COL22A1: variants seen among roughly 807,000 people sequenced by gnomAD.
COL22A1 encodes collagen type XXII alpha 1 chain.
A neutral mutation model predicts 248.9 loss-of-function variants in COL22A1; 221 were observed. That is an observed-to-expected ratio of 0.89 (90% CI 0.80 to 0.99). The LOEUF (loss-of-function observed/expected upper bound fraction) is 0.99. Among genes scored for constraint, COL22A1 ranks in the 50% least tolerant of loss-of-function variants. The pLI is 0.00. For synonymous variants in COL22A1, 891 were observed against 793.4 expected (o/e 1.12, Z -2.07); for missense variants, 2,240 against 2,179.0 (o/e 1.03, Z -0.56).
At chr8:138,638,567 G>T (rs1437214714) in intron 47 of COL22A1, among the ~76,000 whole-genome samples, 2 of 152,048 alleles carry the variant, frequency 1.3e-5, no homozygotes, top group Non-Finnish European at 2.9e-5. Flanking sequence ...CTCTCTCTCT[G>T]TGATATATTG....
At chr8:138,685,396 T>A in intron 37 of COL22A1, 84 bp from the exon 38 acceptor site, 1 of 1,119,670 alleles carries the variant, frequency 8.9e-7, no homozygotes, top group Non-Finnish European at 1.3e-6. Context: ...AGTAGGTTTG[T>A]AGGTTTCCTG....
In COL22A1 at chr8:138,694,549, G is replaced by A. The variant is rs556097028; in HGVS notation, c.2659C>T (p.Arg887Cys). ...GLPGEPGLQGRPGELGPQGPT... is the reference protein window; with the variant it reads ...GLPGEPGLQGCPGELGPQGPT... ...CCCTGAGGCCCCAATTCTCCAGGAC[G>A]GCCCTGCAGTCCCTGTAAGCACACA... Residue 887 changes from arginine (R) to cysteine (C), a missense_variant, in exon 34 of 65, where the codon CGT (arginine) becomes TGT (cysteine). Coordinates refer to ENST00000303045, the MANE Select transcript of COL22A1 (RefSeq NM_152888.3). The A allele has an allele frequency of 1.4e-5, 23 of 1,614,064 alleles. No individual in the cohort carries two copies. The highest frequency in any genetic ancestry group is 5.5e-5 in the South Asian group (5 of 91,080).
chr8:138,617,583 C>A (rs1387931756), intron 53 of COL22A1, among the ~76,000 whole-genome samples: 1 of 152,202 alleles, frequency 6.6e-6, no homozygotes, highest in Admixed American at 6.5e-5. Context: ...TCATTTCTAA[C>A]CTCCAGGCCA....
chr8:138,857,392 G>T (rs927092492), intron 3 of COL22A1, among the ~76,000 whole-genome samples: 21 of 152,200 alleles, frequency 1.4e-4, no homozygotes, highest in Admixed American at 1.4e-3. Context: ...ACCCTTCCAT[G>T]CCCTGGCCAA....
chr8:138,803,589 A>G (rs1176543327), intron 10 of COL22A1, among the ~76,000 whole-genome samples: 2 of 152,060 alleles, frequency 1.3e-5, no homozygotes, highest in African/African-American at 4.8e-5. Flanking sequence ...TGGGCATTCA[A>G]TTTGTATAAC....
chr8:138,598,868 G>A lies in COL22A1; in HGVS notation c.4216C>T (p.Pro1406Ser), dbSNP rs1333827802. ...GDPGIKGDKG[P>S]PGGKGQPGDP... The stretch of plus-strand genomic sequence containing the variant: ...CCAGGCTGGCCTTTTCCACCAGGAG[G>A]TCCTTTGTCACCTTTGATCCCAGGA... Residue 1406 changes from proline (P) to serine (S), a missense_variant, in exon 61 of 65, where the codon CCT becomes TCT. By Grantham distance (74) the Pro-to-Ser change is moderately conservative. Coordinates refer to ENST00000303045, the MANE Select transcript of COL22A1 (RefSeq NM_152888.3). 1.2e-6 allele frequency: 2 copies of A among 1,614,048 alleles called. No homozygotes were observed. The highest frequency in any genetic ancestry group is 1.7e-6 in the Non-Finnish European group (2 of 1,180,038).
chr8:138,875,784 C>G (rs769534932), intron 3 of COL22A1, among the ~76,000 whole-genome samples: 1 of 152,100 alleles, frequency 6.6e-6, no homozygotes, highest in Non-Finnish European at 1.5e-5. Context: ...ATTCTGTGTG[C>G]GCTTATCTAT....
chr8:138,616,569 T>C (rs1165116493), intron 54 of COL22A1, among the ~76,000 whole-genome samples: 2 of 152,308 alleles, frequency 1.3e-5, no homozygotes, highest in East Asian at 1.9e-4. Context: ...AAATCACCCA[T>C]GTCCTCTGGG....
At chr8:138,615,660 C>A (rs1183844184) in intron 55 of COL22A1, among the ~76,000 whole-genome samples, 1 of 151,832 alleles carries the variant, frequency 6.6e-6, no homozygotes, top group African/African-American at 2.4e-5. Context: ...TGTGTGGTTT[C>A]TTTGAGCACT....
rs1227955647 is a variant in COL22A1 at position 138,796,829 on chromosome 8, T to C, written c.1586A>G (p.Lys529Arg). 1.9e-6 allele frequency: 3 copies of C among 1,593,006 alleles called. No individual in the cohort carries two copies. The highest frequency in any genetic ancestry group is 1.1e-5 in the South Asian group (1 of 90,512). The stretch of plus-strand genomic sequence containing the variant: ...AAGGAAGATGCTTACCTTTTCACCC[T>C]TTTCCCCTTGGCCAAAAGGTCCTAT... ...VGIGPFGQGE[K>R]GEKGSLGLPG... Residue 529 changes from lysine (K) to arginine (R), a missense_variant, in exon 12 of 65, where the codon AAG (lysine) becomes AGG (arginine). By Grantham distance (26) the Lys-to-Arg change is conservative. Transcript: ENST00000303045.
intron 22 of COL22A1, among the ~76,000 whole-genome samples, chr8:138,748,024 G>A (rs1563706161): frequency 6.6e-6 from 1 of 152,090 alleles, no homozygotes; most frequent in Non-Finnish European, 1.5e-5. Context: ...GAAGCTGAGG[G>A]GCACAAGCAA....
At chr8:138,622,173 A>G (rs1819862690) in intron 52 of COL22A1, among the ~76,000 whole-genome samples, 1 of 152,234 alleles carries the variant, frequency 6.6e-6, no homozygotes, top group Non-Finnish European at 1.5e-5. Flanking sequence ...TAGCCTCACC[A>G]GGAGCTACAA....
intron 30 of COL22A1, among the ~76,000 whole-genome samples, chr8:138,705,706 G>C (rs1275544380): frequency 6.6e-6 from 1 of 152,186 alleles, no homozygotes; most frequent in African/African-American, 2.4e-5. Context: ...ACCCATGCTA[G>C]GAAGAAACTG....
At chr8:138,591,753 C>T (rs868039296) in intron 63 of COL22A1, among the ~76,000 whole-genome samples, 11 of 152,204 alleles carry the variant, frequency 7.2e-5, no homozygotes, top group Non-Finnish European at 1.5e-4. Context: ...CAAACACTCC[C>T]TCCTAAACAC....
intron 23 of COL22A1, among the ~76,000 whole-genome samples, chr8:138,731,949 GA>G (rs925288425): frequency 6.6e-6 from 1 of 152,054 alleles, no homozygotes; most frequent in African/African-American, 2.4e-5. Flanking sequence ...TTTTCTTCTG[GA>G]AATCAAGTTG....
At chr8:138,608,773 C>T (rs567969107) in intron 56 of COL22A1, among the ~76,000 whole-genome samples, 1 of 152,298 alleles carries the variant, frequency 6.6e-6, no homozygotes, top group South Asian at 2.1e-4. Context: ...TTCGTCTCTT[C>T]CTCTGCCCAC....
At chr8:138,896,171 T>C (rs965358517) in intron 1 of COL22A1, among the ~76,000 whole-genome samples, 2 of 152,048 alleles carry the variant, frequency 1.3e-5, no homozygotes, top group African/African-American at 4.8e-5. Flanking sequence ...GAAAAGGAAA[T>C]GAGAGAAAGA....
At chr8:138,705,509 G>A (rs1828353276) in intron 30 of COL22A1, among the ~76,000 whole-genome samples, 1 of 152,010 alleles carries the variant, frequency 6.6e-6, no homozygotes, top group Admixed American at 6.6e-5. Context: ...TTTCAACCCA[G>A]AATTTCATAT....
chr8:138,704,626 C>T (rs1199496407), intron 30 of COL22A1, among the ~76,000 whole-genome samples: 1 of 152,076 alleles, frequency 6.6e-6, no homozygotes, highest in East Asian at 1.9e-4. Context: ...ATCTGTACAT[C>T]ACCATCATCA....
Sources: gnomAD v4.1 joint callset for allele counts (sites outside exome capture counted in the v4.1 genomes callset) on GRCh38, gnomAD v4.1.1 for gene constraint, MANE v1.5 for transcripts, NCBI Gene and HGNC (gene_info 2026-07-23, HGNC 2026-07-21) for gene names.